The following ADAMTSL1 variants were observed in gnomAD, a reference collection of about 807,000 sequenced individuals.
The protein encoded by ADAMTSL1 is ADAMTS like 1, also known as ADAMTS-like protein 1.
Under a neutral mutation model 201.8 loss-of-function variants are expected in ADAMTSL1, and 126 were observed. That is an observed-to-expected ratio of 0.62 (90% CI 0.54 to 0.72). The LOEUF is 0.72. ADAMTSL1 is among the 30% of genes least tolerant of loss of function. ADAMTSL1 has a pLI of 0.00. For missense variants in ADAMTSL1, 2,679 were observed against 2,277.8 expected, an observed-to-expected ratio of 1.18 and a Z score of -3.59; for synonymous variants, 1,121 against 903.4, an observed-to-expected ratio of 1.24 and a Z score of -4.32.
intron 2 of ADAMTSL1, among the ~76,000 whole-genome samples, chr9:18,248,606 A>G (rs773339887): frequency 3.3e-5 from 5 of 152,226 alleles, no homozygotes; most frequent in Non-Finnish European, 7.3e-5. Context: ...GCAGTAGCAT[A>G]TAAAAATCAC....
chr9:18,163,435 T>C lies in ADAMTSL1; in HGVS notation c.88-427T>C, dbSNP rs558875141. Among the ~76,000 whole-genome samples the C allele has an allele frequency of 2.0e-4, 31 of 152,144 alleles. No homozygotes were observed. The Middle Eastern group carries it at 0.01, about 50-fold the overall frequency. Reference sequence around the variant, plus strand: ...CTGGGCTCAGGCCAGGCTTTTCTTATGTGGTAAATATTTAACTGGACATGG... The same window carrying C: ...CTGGGCTCAGGCCAGGCTTTTCTTACGTGGTAAATATTTAACTGGACATGG... On this transcript the variant is annotated intron_variant, in intron 1 of 29. Transcript: ENST00000680146.
rs573453429 is a variant in ADAMTSL1 at position 18,199,206 on chromosome 9, A to G, written c.207+35225A>G. On this transcript the variant is annotated intron_variant, in intron 2 of 29. Transcript: ENST00000680146. ...GTGCACCAGCATGGCACATGTATAC[A>G]TATGTAACTAACCTGCACAATGTGC... Among the ~76,000 whole-genome samples the G allele has an allele frequency of 2.2e-3, 333 of 152,036 alleles. 2 individuals are homozygous for G. The highest frequency in any genetic ancestry group is 7.9e-3 in the African/African-American group (326 of 41,482).
At chr9:18,874,812 T>A (rs1588285096) in intron 23 of ADAMTSL1, among the ~76,000 whole-genome samples, 1 of 151,838 alleles carries the variant, frequency 6.6e-6, no homozygotes, top group Non-Finnish European at 1.5e-5. Context: ...CCTCTTCTCT[T>A]TTTTTTTGGA....
chr9:18,706,956 C>T lies in ADAMTSL1; in HGVS notation c.1784C>T (p.Thr595Ile), dbSNP rs1399923306. Residue 595 changes from threonine to isoleucine, a missense_variant, in exon 14 of 29, where the codon ACA becomes ATA. Transcript: ENST00000380548. ...ATTCCTGAGTTCAACCCAGACGAGA[C>T]AGATGGGCTCTTTGGTGGCCTGCAG... ...GEIPEFNPDE[T>I]DGLFGGLQDF... 1.2e-6 allele frequency: 2 copies of T among 1,613,862 alleles called. No homozygotes were observed. The highest frequency in any genetic ancestry group is 1.7e-6 in the Non-Finnish European group (2 of 1,179,906).
At chr9:18,143,092 A>G (rs1453938800) in intron 1 of ADAMTSL1, among the ~76,000 whole-genome samples, 1 of 152,180 alleles carries the variant, frequency 6.6e-6, no homozygotes, top group African/African-American at 2.4e-5. Context: ...TTGAGCCTGG[A>G]CAAAGTGGAA....
intron 10 of ADAMTSL1, among the ~76,000 whole-genome samples, chr9:18,679,821 G>A (rs1437112713): frequency 2.6e-5 from 3 of 117,358 alleles, no homozygotes; most frequent in African/African-American, 1.0e-4. Context: ...TCTTTTATGA[G>A]CTTCTTCTAT....
intron 7 of ADAMTSL1, among the ~76,000 whole-genome samples, chr9:18,657,388 A>T (rs1356465432): frequency 6.6e-6 from 1 of 152,252 alleles, no homozygotes; most frequent in East Asian, 1.9e-4. Flanking sequence ...TGAAATCACA[A>T]ATTGAGATAT....
chr9:18,907,268 G>A (rs948732896), intron 28 of ADAMTSL1: 1 of 277,990 alleles, frequency 3.6e-6, no homozygotes, highest in African/African-American at 2.2e-5. Context: ...CTACTAAACA[G>A]AAAATGCTGT....
At chr9:18,485,105 C>T (rs1288322867) in intron 1 of ADAMTSL1, among the ~76,000 whole-genome samples, 1 of 152,178 alleles carries the variant, frequency 6.6e-6, no homozygotes, top group Non-Finnish European at 1.5e-5. Context: ...TGACAATTTT[C>T]CATCTTGACA....
chr9:18,183,246 A>T (rs1334936583), intron 2 of ADAMTSL1, among the ~76,000 whole-genome samples: 1 of 152,182 alleles, frequency 6.6e-6, no homozygotes, highest in Non-Finnish European at 1.5e-5. Context: ...TGGATTATGG[A>T]CCTAAACAGA....
intron 14 of ADAMTSL1, among the ~76,000 whole-genome samples, chr9:18,710,661 G>GCT (rs1491548003): frequency 1.3e-5 from 1 of 79,638 alleles, no homozygotes; most frequent in African/African-American, 4.3e-5. Context: ...AAGGGCCTAA[G>GCT]TTTTGTTTTG....
chr9:18,433,634 G>C (rs1417475581), intron 2 of ADAMTSL1, among the ~76,000 whole-genome samples: 1 of 152,098 alleles, frequency 6.6e-6, no homozygotes, highest in Non-Finnish European at 1.5e-5. Context: ...ATTTGAAAAG[G>C]AAACCATGAT....
chr9:17,948,677 T>A (rs991589322), intron 1 of ADAMTSL1, among the ~76,000 whole-genome samples: 2 of 152,310 alleles, frequency 1.3e-5, no homozygotes, highest in Non-Finnish European at 2.9e-5. Context: ...GATAAGTCCA[T>A]GGCAGAAATA....
chr9:18,721,268 G>C (rs1003088515), intron 14 of ADAMTSL1, among the ~76,000 whole-genome samples: 2 of 152,172 alleles, frequency 1.3e-5, no homozygotes, highest in Non-Finnish European at 2.9e-5. Flanking sequence ...AGCATTTCAA[G>C]AGTCTAGGTA....
chr9:18,277,994 CA>C, intron 2 of ADAMTSL1, among the ~76,000 whole-genome samples: 1 of 152,118 alleles, frequency 6.6e-6, no homozygotes, highest in South Asian at 2.1e-4. Flanking sequence ...AAATATCTTA[CA>C]ATAGTCTATG....
chr9:18,794,857 T>C (rs1380809059), intron 19 of ADAMTSL1, among the ~76,000 whole-genome samples: 1 of 152,066 alleles, frequency 6.6e-6, no homozygotes, highest in Non-Finnish European at 1.5e-5. Context: ...GGCCAGGCTG[T>C]TCTTGAACTC....
intron 15 of ADAMTSL1, among the ~76,000 whole-genome samples, chr9:18,726,458 C>G (rs1817898954): frequency 6.6e-6 from 1 of 151,676 alleles, no homozygotes; most frequent in African/African-American, 2.4e-5. Context: ...CTGCAGTGAG[C>G]TGTGATCACA....
At chr9:18,288,311 C>T (rs1833107041) in intron 2 of ADAMTSL1, among the ~76,000 whole-genome samples, 1 of 152,110 alleles carries the variant, frequency 6.6e-6, no homozygotes, top group Admixed American at 6.6e-5. Context: ...AAGTTGGGCG[C>T]ACCATCTGGA....
intron 23 of ADAMTSL1, among the ~76,000 whole-genome samples, chr9:18,853,836 G>C (rs1826659948): frequency 6.6e-6 from 1 of 151,644 alleles, no homozygotes; most frequent in Admixed American, 6.6e-5. Context: ...AAAGAGATAA[G>C]TTCCTGTTCT....
Sources: gnomAD v4.1 joint callset for allele counts (sites outside exome capture counted in the v4.1 genomes callset) on GRCh38, gnomAD v4.1.1 for gene constraint, MANE v1.5 for transcripts, NCBI Gene and HGNC (gene_info 2026-07-23, HGNC 2026-07-21) for gene names.